The following DCLK3 variants were observed in gnomAD, a reference collection of about 807,000 sequenced individuals.
DCLK3 encodes the protein doublecortin like kinase 3, also known as serine/threonine-protein kinase DCLK3.
A neutral mutation model predicts 46.4 loss-of-function variants in DCLK3; 30 were observed. The ratio of observed to expected loss-of-function variants is 0.65; its 90% CI spans 0.48 to 0.88. The LOEUF (loss-of-function observed/expected upper bound fraction) is 0.88, where lower values mean the gene tolerates loss of function less well. Among genes scored for constraint, DCLK3 ranks in the 40% least tolerant of loss-of-function variants. The pLI is 0.00. For missense variants in DCLK3, 846 were observed against 907.1 expected (o/e 0.93, Z 0.87); for synonymous variants, 401 against 339.2 (o/e 1.18, Z -2.00).
At chr3:36,742,629 G>GCT (rs1701354558) in intron 1 of DCLK3, among the ~76,000 whole-genome samples, 1 of 152,198 alleles carries the variant, frequency 6.6e-6, no homozygotes, top group Non-Finnish European at 1.5e-5. Context: ...TTCTAGCTAT[G>GCT]ACTGCTTCAA....
intron 2 of DCLK3, among the ~76,000 whole-genome samples, chr3:36,727,758 G>A (rs1348037387): frequency 1.3e-5 from 2 of 152,212 alleles, no homozygotes; most frequent in African/African-American, 4.8e-5. Flanking sequence ...AGCTTCTGCT[G>A]TCAAGAGTTA....
At chr3:36,730,767 G>T (rs956276333) in intron 2 of DCLK3, among the ~76,000 whole-genome samples, 1 of 151,944 alleles carries the variant, frequency 6.6e-6, no homozygotes, top group Non-Finnish European at 1.5e-5. Flanking sequence ...TGGCACAGTG[G>T]CAGGAGTTCT....
intron 1 of DCLK3, among the ~76,000 whole-genome samples, chr3:36,742,769 A>G (rs941220391): frequency 2.6e-5 from 4 of 152,198 alleles, no homozygotes; most frequent in Admixed American, 2.6e-4. Context: ...AGAGGAAAAA[A>G]ATAAGAAGAC....
intron 1 of DCLK3, among the ~76,000 whole-genome samples, chr3:36,751,388 G>A (rs1398756109): frequency 6.6e-6 from 1 of 152,212 alleles, no homozygotes; most frequent in Non-Finnish European, 1.5e-5. Flanking sequence ...TCCCAGGATA[G>A]CTGTAAAGAT....
chr3:36,737,418 G>A lies in DCLK3; in HGVS notation c.1749C>T (p.Ile583=), dbSNP rs770926877. The A allele has an allele frequency of 8.7e-6, 14 of 1,614,180 alleles. No homozygotes were observed. The highest frequency in any genetic ancestry group is 2.2e-5 in the South Asian group (2 of 91,076). Reference sequence around the variant, plus strand: ...TTTCGTAGACTTCATGCAATTTCACGATGTTGGGGTGAGAGAGGCTCTGGA... The same window carrying A: ...TTTCGTAGACTTCATGCAATTTCACAATGTTGGGGTGAGAGAGGCTCTGGA... ...LIIQSLSHPN[I]VKLHEVYETD... Residue 583 remains isoleucine (I), a synonymous_variant, in exon 2 of 5, where the codon ATC becomes ATT. Coordinates refer to ENST00000636136, the MANE Select transcript of DCLK3 (RefSeq NM_001394672.2). The surrounding 1 kb of genome is among the most constrained non-coding windows in gnomAD (Gnocchi z 4.4).
At chr3:36,728,361 G>A (rs547686943) in intron 2 of DCLK3, among the ~76,000 whole-genome samples, 6 of 152,110 alleles carry the variant, frequency 3.9e-5, no homozygotes, top group Non-Finnish European at 8.8e-5. Flanking sequence ...TATCATTGGT[G>A]GGGGGTGGGG....
At chr3:36,740,557 G>T (rs920964261) in intron 1 of DCLK3, among the ~76,000 whole-genome samples, 6 of 152,182 alleles carry the variant, frequency 3.9e-5, no homozygotes, top group African/African-American at 1.4e-4. Flanking sequence ...AAGGTTCAGA[G>T]CTTAAATAAT....
At chr3:36,735,563 A>G (rs975921987) in intron 2 of DCLK3, among the ~76,000 whole-genome samples, 22 of 152,182 alleles carry the variant, frequency 1.4e-4, no homozygotes, top group African/African-American at 5.1e-4. Context: ...TGCAACTGGG[A>G]TGGTGTCCCC....
intron 2 of DCLK3, among the ~76,000 whole-genome samples, chr3:36,732,420 T>C (rs1701209479): frequency 6.6e-6 from 1 of 152,182 alleles, no homozygotes; most frequent in Non-Finnish European, 1.5e-5. Context: ...GTCCTGGAAA[T>C]TGCTGAAATG....
intron 2 of DCLK3, among the ~76,000 whole-genome samples, chr3:36,724,648 C>T (rs1701103421): frequency 6.6e-6 from 1 of 152,122 alleles, no homozygotes; most frequent in Non-Finnish European, 1.5e-5. Context: ...TCTCTATTTG[C>T]CTGCTGCCAT....
intron 1 of DCLK3, among the ~76,000 whole-genome samples, chr3:36,753,718 G>A (rs75136584): frequency 0.018 from 2,690 of 152,126 alleles, 76 homozygotes; most frequent in African/African-American, 0.058. Context: ...TGCCTAGACT[G>A]GAGTACAGTG....
chr3:36,735,334 A>G (rs1367281634), intron 2 of DCLK3, among the ~76,000 whole-genome samples: 2 of 152,258 alleles, frequency 1.3e-5, no homozygotes, highest in African/African-American at 2.4e-5. Context: ...ACATCCAGCT[A>G]ATGCAAAAAA....
chr3:36,744,797 C>G (rs1235042517), intron 1 of DCLK3, among the ~76,000 whole-genome samples: 1 of 152,138 alleles, frequency 6.6e-6, no homozygotes, highest in Non-Finnish European at 1.5e-5. Context: ...AAATAAAAAA[C>G]CAGTAGGGAC....
chr3:36,727,057 T>C (rs1479040679), intron 2 of DCLK3, among the ~76,000 whole-genome samples: 1 of 152,058 alleles, frequency 6.6e-6, no homozygotes, highest in Non-Finnish European at 1.5e-5. Flanking sequence ...CTTAGGCATG[T>C]GGATCACTTG....
In DCLK3 at chr3:36,740,013, G is replaced by A. The variant is rs139388045; in HGVS notation, c.83-929C>T. On this transcript the variant is annotated intron_variant, in intron 1 of 4. Transcript: ENST00000636136. ...GCTTGACTTTGAACTCACTCAAGGT[G>A]GAGCAGTATGCGAAGAGGTTATGGT... Among the ~76,000 whole-genome samples the A allele has an allele frequency of 4.8e-4, 73 of 152,190 alleles. No individual in the cohort carries two copies. The East Asian group carries it at 9.7e-3, about 20-fold the overall frequency.
At chr3:36,735,120 C>T (rs1462350327) in intron 2 of DCLK3, among the ~76,000 whole-genome samples, 1 of 152,298 alleles carries the variant, frequency 6.6e-6, no homozygotes, top group East Asian at 1.9e-4. Flanking sequence ...ATGTTCAGCT[C>T]GTGGGACCTC....
Position 36,715,197 on chromosome 3 carries a change from A to C in DCLK3, c.*131T>G. ...TAATTTTTTTAATATGCTTTAAAATATACTCAGTGTCTCTCCCTCTGATTC... is the reference window on the plus strand; with the variant it reads ...TAATTTTTTTAATATGCTTTAAAATCTACTCAGTGTCTCTCCCTCTGATTC... On this transcript the variant is annotated 3_prime_UTR_variant, in exon 5 of 5. Transcript: ENST00000636136. 1.0e-6 allele frequency: 1 copy of C among 989,600 alleles called. No individual in the cohort carries two copies. The highest frequency in any genetic ancestry group is 1.4e-6 in the Non-Finnish European group (1 of 700,162). 61.3% of individuals were successfully genotyped at this position (989,600 alleles called of 1,614,324 possible). A position where few individuals can be genotyped will look rare whatever the true frequency, so the allele number is the denominator to read the frequency against.
intron 2 of DCLK3, among the ~76,000 whole-genome samples, chr3:36,728,298 T>C (rs1444559900): frequency 6.6e-6 from 1 of 152,194 alleles, no homozygotes; most frequent in Non-Finnish European, 1.5e-5. Context: ...TCTGTGATGA[T>C]TAATTTTAGA....
chr3:36,751,254 A>G (rs1701439395), intron 1 of DCLK3, among the ~76,000 whole-genome samples: 1 of 152,134 alleles, frequency 6.6e-6, no homozygotes, highest in Non-Finnish European at 1.5e-5. Flanking sequence ...CAGGCATCCA[A>G]TCGGACCCAC....
Sources: gnomAD v4.1 joint callset for allele counts (sites outside exome capture counted in the v4.1 genomes callset) on GRCh38, gnomAD v4.1.1 for gene constraint, Gnocchi (gnomAD v3.1) non-coding constraint, MANE v1.5 for transcripts, NCBI Gene and HGNC (gene_info 2026-07-23, HGNC 2026-07-21) for gene names.